The following NRXN1 variants were observed in gnomAD, a reference collection of about 807,000 sequenced individuals.
The protein encoded by NRXN1 is neurexin 1, also known as neurexin-1.
Under a neutral mutation model 150.9 loss-of-function variants are expected in NRXN1, and 39 were observed. That is an observed-to-expected ratio of 0.26 (90% CI 0.20 to 0.34). The LOEUF is 0.34. Among genes scored for constraint, NRXN1 ranks in the 10% least tolerant of loss-of-function variants. The pLI is 1.00. For missense variants in NRXN1, 1,815 were observed against 1,949.9 expected (o/e 0.93, Z 1.30); for synonymous variants, 924 against 757.0 (o/e 1.22, Z -3.62).
chr2:49,939,220 A>T (rs866449603), intron 22 of NRXN1, among the ~76,000 whole-genome samples: 1 of 152,072 alleles, frequency 6.6e-6, no homozygotes, highest in South Asian at 2.1e-4. Flanking sequence ...AGCAATCACA[A>T]TTTTTTTCTC....
chr2:50,447,111 T>C (rs1247668845), intron 17 of NRXN1, among the ~76,000 whole-genome samples: 16 of 152,130 alleles, frequency 1.1e-4, no homozygotes, highest in Admixed American at 1.0e-3. Flanking sequence ...TGCATTCTGA[T>C]ACTTTGACCC....
At chr2:50,780,415 T>C (rs1462113057) in intron 5 of NRXN1, among the ~76,000 whole-genome samples, 1 of 152,220 alleles carries the variant, frequency 6.6e-6, no homozygotes, top group Non-Finnish European at 1.5e-5. Flanking sequence ...TGATGTACTA[T>C]TGTATATGTT....
chr2:50,004,926 C>T (rs997989527), intron 21 of NRXN1, among the ~76,000 whole-genome samples: 2 of 151,880 alleles, frequency 1.3e-5, no homozygotes, highest in African/African-American at 2.4e-5. Flanking sequence ...GCAACATTTT[C>T]TGAATTCCAC....
intron 5 of NRXN1, among the ~76,000 whole-genome samples, chr2:50,908,618 C>T (rs563464802): frequency 2.0e-5 from 3 of 151,194 alleles, no homozygotes; most frequent in Admixed American, 6.6e-5. Flanking sequence ...TTTGAAAGAA[C>T]CAAAAAATAA....
chr2:50,292,049 T>C (rs1367449184), intron 17 of NRXN1, among the ~76,000 whole-genome samples: 1 of 152,116 alleles, frequency 6.6e-6, no homozygotes, highest in Admixed American at 6.6e-5. Context: ...ACCCTTCAAC[T>C]TGAAATTCCT....
chr2:50,504,697 A>C (rs912445939), intron 13 of NRXN1, among the ~76,000 whole-genome samples: 1 of 152,140 alleles, frequency 6.6e-6, no homozygotes, highest in African/African-American at 2.4e-5. Context: ...TTCGCTCAAA[A>C]CATATTTTCT....
At chr2:50,174,168 T>C (rs1320728800) in intron 18 of NRXN1, among the ~76,000 whole-genome samples, 5 of 152,108 alleles carry the variant, frequency 3.3e-5, no homozygotes, top group Admixed American at 3.3e-4. Flanking sequence ...TAGAATAATT[T>C]ACCAAGGTGT....
At chr2:50,770,040 A>C (rs538522958) in intron 5 of NRXN1, among the ~76,000 whole-genome samples, 1 of 152,192 alleles carries the variant, frequency 6.6e-6, no homozygotes, top group South Asian at 2.1e-4. Context: ...CTGTACATCT[A>C]AGAAGAACTT....
At chr2:50,055,643 C>T (rs1192856506) in intron 19 of NRXN1, among the ~76,000 whole-genome samples, 1 of 152,128 alleles carries the variant, frequency 6.6e-6, no homozygotes, top group African/African-American at 2.4e-5. Context: ...ATCACTTGGA[C>T]ATCACAAGAG....
chr2:50,716,668 A>T (rs1223617382), intron 5 of NRXN1, among the ~76,000 whole-genome samples: 1 of 152,124 alleles, frequency 6.6e-6, no homozygotes, highest in Non-Finnish European at 1.5e-5. Context: ...TATACATCTC[A>T]ATGTAATGGA....
chr2:50,531,788 A>T (rs1383541562), intron 10 of NRXN1, among the ~76,000 whole-genome samples: 2 of 152,026 alleles, frequency 1.3e-5, no homozygotes, highest in Non-Finnish European at 2.9e-5. Flanking sequence ...CCACAGTGTG[A>T]GCCTAGTTTG....
At chr2:50,197,642 G>C (rs1317834293) in intron 18 of NRXN1, among the ~76,000 whole-genome samples, 1 of 152,062 alleles carries the variant, frequency 6.6e-6, no homozygotes, top group Non-Finnish European at 1.5e-5. Context: ...GATGAGGCCA[G>C]TGATAAGCAG....
intron 8 of NRXN1, among the ~76,000 whole-genome samples, chr2:50,572,284 GATAA>G (rs1159800021): frequency 6.6e-6 from 1 of 152,190 alleles, no homozygotes; most frequent in East Asian, 1.9e-4. Context: ...CCAGACAGGT[GATAA>G]ATATGATGCT....
In NRXN1 at chr2:50,347,842, C is replaced by G. The variant is rs2078154594; in HGVS notation, c.3365-110872G>C. 1.0e-6 allele frequency: 1 copy of G among 985,454 alleles called. No individual in the cohort carries two copies. The highest frequency in any genetic ancestry group is 4.7e-5 in the South Asian group (1 of 21,296). The allele number at this position is 985,454 out of a possible 1,614,324, so 61.0% of individuals were successfully genotyped here. On this transcript the variant is annotated intron_variant, in intron 17 of 22. Coordinates refer to ENST00000401669, the MANE Select transcript of NRXN1 (RefSeq NM_001330078.2). This position sits in a 1 kb window ranked among gnomAD's most constrained non-coding sequence, Gnocchi z 4.9. ...ACAGCAAATCACTGAAGCTCGGATG[C>G]AATGCAGAGGACGAGCCTATGTAAC...
chr2:50,698,888 A>C (rs1693329945), intron 5 of NRXN1, among the ~76,000 whole-genome samples: 1 of 152,214 alleles, frequency 6.6e-6, no homozygotes, highest in Non-Finnish European at 1.5e-5. Context: ...TACACTTTAA[A>C]GCTGTCCAAA....
intron 17 of NRXN1, among the ~76,000 whole-genome samples, chr2:50,288,850 G>A (rs1259682242): frequency 6.6e-6 from 1 of 152,106 alleles, no homozygotes; most frequent in African/African-American, 2.4e-5. Context: ...CTTTTAAAGA[G>A]GTGACTGTAC....
At chr2:50,860,721 T>C (rs1676004151) in intron 5 of NRXN1, among the ~76,000 whole-genome samples, 1 of 152,088 alleles carries the variant, frequency 6.6e-6, no homozygotes, top group Non-Finnish European at 1.5e-5. Context: ...GCTCATTTCC[T>C]GAGTTCTTCC....
chr2:50,778,195 T>TA (rs1042348582), intron 5 of NRXN1, among the ~76,000 whole-genome samples: 12 of 152,156 alleles, frequency 7.9e-5, no homozygotes, highest in Admixed American at 3.3e-4. Flanking sequence ...ACTAAGGATG[T>TA]AAAAACAATG....
At chr2:50,439,766 G>A (rs1397472056) in intron 17 of NRXN1, among the ~76,000 whole-genome samples, 3 of 150,278 alleles carry the variant, frequency 2.0e-5, no homozygotes, top group African/African-American at 7.4e-5. Context: ...GCAGTGAACC[G>A]AAATTGTGCC....
Sources: gnomAD v4.1 joint callset for allele counts (sites outside exome capture counted in the v4.1 genomes callset) on GRCh38, gnomAD v4.1.1 for gene constraint, Gnocchi (gnomAD v3.1) non-coding constraint, MANE v1.5 for transcripts, NCBI Gene and HGNC (gene_info 2026-07-23, HGNC 2026-07-21) for gene names.